Variants in PDK1 observed in about 807,000 individuals in gnomAD.
PDK1 encodes the protein pyruvate dehydrogenase kinase 1.
A neutral mutation model predicts 54.2 loss-of-function variants in PDK1; 39 were observed. The ratio of observed to expected loss-of-function variants is 0.72; its 90% CI spans 0.56 to 0.94. The LOEUF (loss-of-function observed/expected upper bound fraction) is 0.94. PDK1 is among the 40% of genes least tolerant of loss of function. The probability of loss-of-function intolerance (pLI) is 0.00; values close to 1 mark genes in which losing one functional copy is unlikely to be tolerated. For synonymous variants in PDK1, 221 were observed against 207.1 expected (o/e 1.07, Z -0.58); for missense variants, 552 against 566.0 (o/e 0.98, Z 0.25).
the PDK1 span, among the ~76,000 whole-genome samples, chr2:172,631,244 T>C: frequency 6.6e-6 from 1 of 152,260 alleles, no homozygotes; most frequent in African/African-American, 2.4e-5. Flanking sequence ...TTTCATTCCA[T>C]CCCATCCCAT....
the PDK1 span, among the ~76,000 whole-genome samples, chr2:172,619,283 A>G: frequency 6.6e-5 from 10 of 152,116 alleles, no homozygotes; most frequent in Admixed American, 6.6e-4. Flanking sequence ...CTTATTCACC[A>G]GGGATGCCCA....
the PDK1 span, among the ~76,000 whole-genome samples, chr2:172,645,174 C>A: frequency 6.6e-6 from 1 of 151,264 alleles, no homozygotes; most frequent in Non-Finnish European, 1.5e-5. Context: ...CGTGCCCTTT[C>A]CCCCAGAAAT....
the PDK1 span, among the ~76,000 whole-genome samples, chr2:172,625,106 T>C: frequency 1.8e-3 from 281 of 152,280 alleles, 1 homozygote; most frequent in African/African-American, 6.1e-3. Flanking sequence ...AGAACCCACC[T>C]TCTCCCAGCT....
the PDK1 span, among the ~76,000 whole-genome samples, chr2:172,688,690 A>C: frequency 1.3e-5 from 2 of 152,276 alleles, no homozygotes; most frequent in Non-Finnish European, 2.9e-5. Context: ...GGAGAGAAGG[A>C]AGGAAGATAG....
the PDK1 span, among the ~76,000 whole-genome samples, chr2:172,646,142 A>G: frequency 6.6e-6 from 1 of 152,246 alleles, no homozygotes; most frequent in Non-Finnish European, 1.5e-5. Flanking sequence ...ATAGATAATA[A>G]TATGCAAAAT....
chr2:172,615,082 G>A, the PDK1 span, among the ~76,000 whole-genome samples: 4,887 of 152,208 alleles, frequency 0.032, 131 homozygotes, highest in South Asian at 0.15. Context: ...TGGAGTGGCC[G>A]CCTGGATCCC....
At chr2:172,571,661 T>A (rs1319842237) in intron 8 of PDK1, among the ~76,000 whole-genome samples, 1 of 152,138 alleles carries the variant, frequency 6.6e-6, no homozygotes, top group East Asian at 1.9e-4. Context: ...TGTGAGCCAC[T>A]GTGCATGGCT....
the PDK1 span, among the ~76,000 whole-genome samples, chr2:172,622,905 A>G: frequency 3.0e-4 from 42 of 138,050 alleles, no homozygotes; most frequent in African/African-American, 9.9e-4. Context: ...AATATAATAT[A>G]ATATATGTTT....
At chr2:172,683,029 G>T in the PDK1 span, among the ~76,000 whole-genome samples, 1 of 152,002 alleles carries the variant, frequency 6.6e-6, no homozygotes, top group Non-Finnish European at 1.5e-5. Flanking sequence ...TTGGAGTGAG[G>T]TTTGGGTTGT....
chr2:172,566,737 G>T, intron 5 of PDK1, 119 bp from the exon 6 acceptor site: 2 of 392,088 alleles, frequency 5.1e-6, no homozygotes, highest in Non-Finnish European at 8.9e-6. Flanking sequence ...AACTATCAAA[G>T]TATATTTTCT....
the PDK1 span, among the ~76,000 whole-genome samples, chr2:172,672,511 C>G: frequency 1.3e-5 from 2 of 152,154 alleles, no homozygotes; most frequent in African/African-American, 4.8e-5. Flanking sequence ...AAGCACACCT[C>G]GTTTAATTGT....
the PDK1 span, among the ~76,000 whole-genome samples, chr2:172,636,364 A>G: frequency 4.0e-5 from 6 of 151,666 alleles, no homozygotes; most frequent in African/African-American, 1.4e-4. Flanking sequence ...AGAGGGCGGG[A>G]GAGAGAGGGG....
intron 9 of PDK1, among the ~76,000 whole-genome samples, chr2:172,587,079 C>G (rs974106916): frequency 6.6e-6 from 1 of 152,160 alleles, no homozygotes; most frequent in African/African-American, 2.4e-5. Flanking sequence ...GGGTATAGTA[C>G]AAGATAGATC....
chr2:172,703,093 TGAGA>T, the PDK1 span, among the ~76,000 whole-genome samples: 1 of 152,112 alleles, frequency 6.6e-6, no homozygotes, highest in Non-Finnish European at 1.5e-5. Flanking sequence ...AGCATCCTTA[TGAGA>T]GAGAAACAGA....
intron 9 of PDK1, among the ~76,000 whole-genome samples, chr2:172,587,963 C>T (rs751868139): frequency 4.6e-5 from 7 of 152,164 alleles, no homozygotes; most frequent in Non-Finnish European, 7.3e-5. Context: ...GGTATGTTTA[C>T]GATCCTTTAG....
intron 8 of PDK1, 32 bp from the exon 9 acceptor site, chr2:172,586,246 G>A (rs1403747251): frequency 7.6e-7 from 1 of 1,314,620 alleles, no homozygotes; most frequent in Non-Finnish European, 1.1e-6. Flanking sequence ...TTGAGGATTT[G>A]GGCATAGAGC....
At chr2:172,706,020 T>C in the PDK1 span, among the ~76,000 whole-genome samples, 2 of 152,160 alleles carry the variant, frequency 1.3e-5, no homozygotes, top group African/African-American at 2.4e-5. Context: ...TTTCCCCCAG[T>C]GGTAAGATCT....
In PDK1 at chr2:172,556,236, G is replaced by T; in HGVS notation, c.86G>T (p.Ser29Ile). The change falls in exon 1 of 11, where the codon AGC becomes ATC. Residue 29 changes from serine (S) to isoleucine (I), a missense_variant. Physicochemically the swap from Ser to Ile is moderately radical, Grantham distance 142. Transcript: ENST00000282077. ...LRAAGFSRSFSSDSGSSPASE... is the reference protein window; with the variant it reads ...LRAAGFSRSFISDSGSSPASE... Reference sequence around the variant, plus strand: ...GCCGCCGGCTTCAGCCGCAGCTTCAGCTCGGACTCGGGCTCCAGCCCGGCG... The same window carrying T: ...GCCGCCGGCTTCAGCCGCAGCTTCATCTCGGACTCGGGCTCCAGCCCGGCG... 1 of 1,458,940 alleles carries T rather than the reference G, an allele frequency of 6.9e-7. No individual in the cohort carries two copies. Among genetic ancestry groups the T allele is most frequent in the Non-Finnish European group, 9.0e-7 (1 of 1,112,202 alleles). The allele number at this position is 1,458,940 out of a possible 1,614,324, so 90.4% of individuals were successfully genotyped here.
At chr2:172,655,284 G>A in the PDK1 span, among the ~76,000 whole-genome samples, 1 of 152,166 alleles carries the variant, frequency 6.6e-6, no homozygotes, top group African/African-American at 2.4e-5. Flanking sequence ...TCTTTAGAGA[G>A]CATTTTATTG....
Sources: allele counts gnomAD v4.1 joint callset (sites outside exome capture counted in the v4.1 genomes callset), GRCh38; gene constraint gnomAD v4.1.1; transcripts MANE v1.5; gene names NCBI Gene and HGNC (gene_info 2026-07-23, HGNC 2026-07-21).